Variants in PDLIM2 observed in about 807,000 individuals in gnomAD.
The protein encoded by PDLIM2 is PDZ and LIM domain 2, also known as PDZ and LIM domain protein 2.
Under a neutral mutation model 54.1 loss-of-function variants are expected in PDLIM2, and 51 were observed. That is an observed-to-expected ratio of 0.94 (90% confidence interval 0.75 to 1.19). PDLIM2 has a LOEUF of 1.19. Ranked by LOEUF, PDLIM2 falls within the 50% of genes most tolerant of loss-of-function variation. PDLIM2 has a pLI of 0.00. For missense variants in PDLIM2, 912 were observed against 874.0 expected, an observed-to-expected ratio of 1.04 and a Z score of -0.55; for synonymous variants, 398 against 385.6, an observed-to-expected ratio of 1.03 and a Z score of -0.38.
At position 22,594,041 on chromosome 8, in the gene PDLIM2, C is replaced by T. The variant is rs1004156772; in HGVS notation, c.*131C>T. The T allele has an allele frequency of 1.9e-5, 28 of 1,450,960 alleles. 2 individuals carry two copies. The Middle Eastern group carries it at 6.7e-4, about 35-fold the overall frequency. 89.9% of individuals were successfully genotyped at this position (1,450,960 alleles called of 1,614,324 possible). On this transcript the variant is annotated 3_prime_UTR_variant, in exon 10 of 10. Transcript: ENST00000308354. Reference sequence around the variant, plus strand: ...TGGAGACCTGAGGCCCCTTTGTCCTCGCTGGGTGGGCCAAGGTCTGGGACC... The same window carrying T: ...TGGAGACCTGAGGCCCCTTTGTCCTTGCTGGGTGGGCCAAGGTCTGGGACC...
At position 22,593,315 on chromosome 8, in the gene PDLIM2, G is replaced by T. The variant is rs184735560; in HGVS notation, c.1632-418G>T. 339 of 161,106 alleles carry T rather than the reference G, an allele frequency of 2.1e-3. 1 individual carries two copies. Among genetic ancestry groups the T allele is most frequent in the Middle Eastern group, 9.0e-3 (3 of 332 alleles). 10.0% of individuals were successfully genotyped at this position (161,106 alleles called of 1,614,324 possible). On this transcript the variant is annotated intron_variant, in intron 9 of 9. Transcript: ENST00000308354. Reference sequence around the variant, plus strand: ...TCTCGGGCCGGGTGCAGTGGCTCACGCCTGTAATCCCAGCACTCTGGGAAG... The same window carrying T: ...TCTCGGGCCGGGTGCAGTGGCTCACTCCTGTAATCCCAGCACTCTGGGAAG...
chr8:22,581,346 C>T (rs34457441), intron 2 of PDLIM2, 33 bp from the exon 2 acceptor site: 36 of 1,565,916 alleles, frequency 2.3e-5, no homozygotes, highest in Middle Eastern at 1.7e-4. Flanking sequence ...AGCTGGGCCA[C>T]GGTCTGAGCA....
intron 6 of PDLIM2, 92 bp downstream of exon 5, chr8:22,585,491 C>A (rs1800348626): frequency 2.4e-6 from 3 of 1,264,042 alleles, no homozygotes; most frequent in Non-Finnish European, 3.3e-6. Flanking sequence ...GGCGGCCAGG[C>A]CCACCTGGGC....
At chr8:22,579,231 G>C in exon 1 of PDLIM2, 1 of 1,360,918 alleles carries the variant, frequency 7.3e-7, no homozygotes, top group Non-Finnish European at 9.4e-7. Context: ...CCAGGTGAGC[G>C]CGCCCACCTG....
intron 3 of PDLIM2, among the ~76,000 whole-genome samples, chr8:22,582,372 G>A (rs1800227747): frequency 6.6e-6 from 1 of 152,162 alleles, no homozygotes; most frequent in Non-Finnish European, 1.5e-5. Context: ...GGGACCCCAA[G>A]AAGGAGGGTA....
chr8:22,581,709 G>A (rs1183798168), intron 3 of PDLIM2, among the ~76,000 whole-genome samples, 179 bp downstream of exon 2: 2 of 152,258 alleles, frequency 1.3e-5, no homozygotes, highest in East Asian at 1.9e-4. Context: ...GGTGGGCTGA[G>A]GGGTGTTCCC....
downstream of PDLIM2, chr8:22,596,842 C>T (rs1800693459): frequency 6.6e-6 from 1 of 152,226 alleles, no homozygotes; most frequent in South Asian, 2.1e-4. Flanking sequence ...CTGTTACCAT[C>T]CTCTCTGCAG....
At chr8:22,580,866 G>A in intron 2 of PDLIM2, 169 bp downstream of exon 1, 1 of 794,422 alleles carries the variant, frequency 1.3e-6, no homozygotes, top group Non-Finnish European at 2.2e-6. Context: ...CGGGGATGTG[G>A]TGGCCACTTC....
chr8:22,581,058 G>A, intron 2 of PDLIM2: 2 of 665,990 alleles, frequency 3.0e-6, no homozygotes, highest in Non-Finnish European at 5.7e-6. Flanking sequence ...CAGGAGGGCT[G>A]TGCAGGCAGC....
rs538354481 is a variant in PDLIM2 at position 22,586,070 on chromosome 8, G to A, written c.1290+671G>A. ...AACAGCCCTGGGCCGCAGCTGCTGG[G>A]GACGGCGTGGGGGGCACGTCCAGCC... On this transcript the variant is annotated intron_variant, in intron 6 of 9. Coordinates refer to ENST00000308354, the Ensembl canonical transcript of PDLIM2. Among the ~76,000 whole-genome samples the A allele has an allele frequency of 1.2e-4, 19 of 152,274 alleles. 1 individual carries two copies. In the South Asian group the frequency reaches 3.7e-3, roughly 30 times the overall value.
chr8:22,589,887 C>G, intron 8 of PDLIM2, 146 bp downstream of exon 7: 5 of 1,175,110 alleles, frequency 4.3e-6, no homozygotes, highest in Non-Finnish European at 5.9e-6. Context: ...AGCGCGAAGC[C>G]CCAGCCCCTG....
chr8:22,581,594 C>T, intron 3 of PDLIM2, 64 bp downstream of exon 2: 2 of 1,507,120 alleles, frequency 1.3e-6, no homozygotes, highest in Non-Finnish European at 1.8e-6. Flanking sequence ...ACGTATTGAG[C>T]AGCCCTTGCT....
At position 22,593,725 on chromosome 8, in the gene PDLIM2, C is replaced by A; in HGVS notation, c.1632-8C>A. 6.4e-7 allele frequency: 1 copy of A among 1,571,556 alleles called. No individual in the cohort carries two copies. Among genetic ancestry groups the A allele is most frequent in the East Asian group, 2.3e-5 (1 of 43,318 alleles). ...GGCTCTGAGCTAAAGCCTCTCCCTC[C>A]CCTTCAGGAACCAGGCTGTGCGCAT... On this transcript the variant is annotated splice_region_variant and splice_polypyrimidine_tract_variant and intron_variant, in intron 9 of 9. Coordinates refer to ENST00000308354, the Ensembl canonical transcript of PDLIM2.
chr8:22,580,893 A>T (rs1428984389), intron 2 of PDLIM2, 196 bp downstream of exon 1: 5 of 726,936 alleles, frequency 6.9e-6, no homozygotes, highest in Non-Finnish European at 1.3e-5. Flanking sequence ...AGACCTTGGG[A>T]GTGAAAGGGA....
chr8:22,592,213 T>C (rs991084743), intron 9 of PDLIM2: 2 of 151,742 alleles, frequency 1.3e-5, no homozygotes, highest in Admixed American at 6.6e-5. Flanking sequence ...TCCCGAGTTG[T>C]TGGGGCTACA....
exon 5 of PDLIM2, chr8:22,585,040 G>A: frequency 1.9e-6 from 3 of 1,614,028 alleles, no homozygotes; most frequent in Non-Finnish European, 2.5e-6. Context: ...CATACACTGA[G>A]AGTCAGTCCT....
chr8:22,587,185 G>A (rs1800403860), intron 6 of PDLIM2, among the ~76,000 whole-genome samples: 1 of 152,162 alleles, frequency 6.6e-6, no homozygotes, highest in Admixed American at 6.5e-5. Flanking sequence ...GTCTACAAAT[G>A]AGGCTGTGGT....
chr8:22,585,147 C>T lies in PDLIM2; in HGVS notation c.1196C>T (p.Ala399Val), dbSNP rs150252291. Reference sequence around the variant, plus strand: ...TCTAGCAGCTCCCTCACTGGAGAGGCAGCCATCAGCCGCAGGTGAGTGTGC... The same window carrying T: ...TCTAGCAGCTCCCTCACTGGAGAGGTAGCCATCAGCCGCAGGTGAGTGTGC... The change falls in exon 5 of 10, where the codon GCA becomes GTA. Residue 399 changes from alanine (A) to valine (V), a missense_variant. By Grantham distance (64) the Ala-to-Val change is moderately conservative (BLOSUM62 0). Coordinates refer to ENST00000308354, the Ensembl canonical transcript of PDLIM2. The T allele has an allele frequency of 2.6e-4, 423 of 1,613,358 alleles. No individual in the cohort carries two copies. Among genetic ancestry groups the T allele is most frequent in the Non-Finnish European group, 3.0e-4 (359 of 1,179,924 alleles).
At chr8:22,581,453 C>A in exon 3 of PDLIM2, 1 of 1,607,682 alleles carries the variant, frequency 6.2e-7, no homozygotes, top group South Asian at 1.1e-5. Context: ...ACGGGGAAAG[C>A]GCGGAGGGCA....
Sources: allele counts gnomAD v4.1 joint callset (sites outside exome capture counted in the v4.1 genomes callset), GRCh38; gene constraint gnomAD v4.1.1; transcripts MANE v1.5; gene names NCBI Gene and HGNC (gene_info 2026-07-23, HGNC 2026-07-21).